JAZF1: variants seen among roughly 807,000 people sequenced by gnomAD.
JAZF1 encodes juxtaposed with another zinc finger protein 1.
In JAZF1, 8 loss-of-function variants were observed where a neutral mutation model predicts 26.4. That is an observed-to-expected ratio of 0.30 (90% CI 0.18 to 0.55). JAZF1 has a LOEUF of 0.55. Among genes scored for constraint, JAZF1 ranks in the 20% least tolerant of loss-of-function variants. The pLI, the probability that JAZF1 is intolerant of heterozygous loss-of-function variation, is 0.94. For missense variants in JAZF1, 199 were observed against 322.0 expected (o/e 0.62, Z 2.92); for synonymous variants, 126 against 122.3 (o/e 1.03, Z -0.20).
At chr7:28,022,884 G>A (rs1024468398) in intron 1 of JAZF1, among the ~76,000 whole-genome samples, 1 of 152,162 alleles carries the variant, frequency 6.6e-6, no homozygotes, top group African/African-American at 2.4e-5. Flanking sequence ...AGCCTCCCGA[G>A]TAGCTGGGAT....
chr7:28,121,965 G>T (rs1340677339), intron 1 of JAZF1, among the ~76,000 whole-genome samples: 2 of 152,160 alleles, frequency 1.3e-5, no homozygotes, highest in African/African-American at 2.4e-5. Flanking sequence ...TGGTGCCAAT[G>T]TTCACATAAA....
intron 1 of JAZF1, among the ~76,000 whole-genome samples, chr7:28,115,532 A>G (rs1187582714): frequency 6.6e-6 from 1 of 152,210 alleles, no homozygotes; most frequent in Non-Finnish European, 1.5e-5. Flanking sequence ...TGTAGTCAAC[A>G]GTACCAACAA....
rs566194702 is a variant in JAZF1 at position 27,983,031 on chromosome 7, T to C, written c.188+8878A>G. 9.2e-5 allele frequency among the ~76,000 whole-genome samples: 14 copies of C among 152,200 alleles called. No homozygotes were observed. In the East Asian group the frequency reaches 2.5e-3, roughly 27 times the overall value. ...AGCTGAAAATTCTAAAAATCAGAGC[T>C]CCTCTTCTCCTTCAAAGGAATGCAG... is the stretch of plus-strand genomic sequence containing the variant. On this transcript the variant is annotated intron_variant, in intron 2 of 4. Coordinates refer to ENST00000283928, the MANE Select transcript of JAZF1 (RefSeq NM_175061.4).
chr7:27,884,900 C>T (rs763779846), intron 3 of JAZF1, among the ~76,000 whole-genome samples: 2 of 152,120 alleles, frequency 1.3e-5, no homozygotes, highest in African/African-American at 4.8e-5. Flanking sequence ...AGCTCTGTGG[C>T]CCCGAGGAAC....
At chr7:28,104,228 CTCCACTT>C (rs1346678773) in intron 1 of JAZF1, among the ~76,000 whole-genome samples, 1 of 152,208 alleles carries the variant, frequency 6.6e-6, no homozygotes, top group African/African-American at 2.4e-5. Context: ...CACTCCCCCT[CTCCACTT>C]TCCTTATCTT....
intron 2 of JAZF1, among the ~76,000 whole-genome samples, chr7:27,956,611 A>G (rs930966412): frequency 2.0e-5 from 3 of 152,178 alleles, no homozygotes; most frequent in African/African-American, 7.2e-5. Flanking sequence ...TTCTCTTCAT[A>G]AAAGTGCCAG....
intron 1 of JAZF1, among the ~76,000 whole-genome samples, chr7:27,996,030 T>C (rs1786008509): frequency 6.6e-6 from 1 of 152,168 alleles, no homozygotes; most frequent in Admixed American, 6.5e-5. Flanking sequence ...CTTTGTTGTC[T>C]CCAGCACTGG....
intron 2 of JAZF1, among the ~76,000 whole-genome samples, chr7:27,944,479 A>G (rs1450441516): frequency 6.6e-6 from 1 of 152,210 alleles, no homozygotes; most frequent in Non-Finnish European, 1.5e-5. Context: ...CTGTGACTTT[A>G]GTGGTAGATT....
In JAZF1 at chr7:28,087,508, G is replaced by A. The variant is rs1784229526; in HGVS notation, c.115+92955C>T. The stretch of plus-strand genomic sequence containing the variant: ...AAAATAGGATTTAAAAAAAAATAGA[G>A]TAGTGCAGCATTAATTCAGAAAATA... On this transcript the variant is annotated intron_variant, in intron 1 of 4. Transcript: ENST00000283928. Among the ~76,000 whole-genome samples the A allele has an allele frequency of 3.3e-5, 5 of 152,028 alleles. No homozygotes were observed. In the South Asian group the frequency reaches 8.3e-4, roughly 25 times the overall value.
intron 1 of JAZF1, among the ~76,000 whole-genome samples, chr7:28,052,121 C>T (rs1342996658): frequency 1.3e-5 from 2 of 152,192 alleles, no homozygotes; most frequent in East Asian, 3.8e-4. Flanking sequence ...TTTCTGTTTT[C>T]TGTCATTTTT....
chr7:27,859,259 C>T (rs1487118515), intron 3 of JAZF1, among the ~76,000 whole-genome samples: 3 of 152,212 alleles, frequency 2.0e-5, no homozygotes, highest in Admixed American at 1.3e-4. Flanking sequence ...AACAGGAAGG[C>T]TTTTACACTG....
chr7:28,008,465 T>C (rs968002287), intron 1 of JAZF1, among the ~76,000 whole-genome samples: 12 of 152,174 alleles, frequency 7.9e-5, no homozygotes, highest in African/African-American at 2.2e-4. Flanking sequence ...TACATTTTAA[T>C]TGAGCAATTC....
chr7:27,835,718 A>T (rs1387752101), intron 4 of JAZF1, among the ~76,000 whole-genome samples: 1 of 152,206 alleles, frequency 6.6e-6, no homozygotes, highest in East Asian at 1.9e-4. Context: ...ATTCAGTTAC[A>T]GGCCGCGGGA....
intron 1 of JAZF1, among the ~76,000 whole-genome samples, chr7:28,175,893 C>T (rs2127955893): frequency 6.6e-6 from 1 of 152,296 alleles, no homozygotes; most frequent in South Asian, 2.1e-4. Context: ...TATTGCACAG[C>T]TTATCTATTT....
At chr7:27,872,255 A>C (rs1400509716) in intron 3 of JAZF1, among the ~76,000 whole-genome samples, 1 of 152,256 alleles carries the variant, frequency 6.6e-6, no homozygotes, top group Non-Finnish European at 1.5e-5. Flanking sequence ...ATAAAGAAAA[A>C]AACAAGCTAT....
chr7:27,890,935 G>A (rs1183137646), intron 3 of JAZF1, among the ~76,000 whole-genome samples: 3 of 151,952 alleles, frequency 2.0e-5, no homozygotes, highest in Admixed American at 6.6e-5. Context: ...GATTACAGGC[G>A]TGAGCCACCA....
intron 1 of JAZF1, among the ~76,000 whole-genome samples, chr7:28,171,477 G>A (rs1394741646): frequency 6.6e-6 from 1 of 152,206 alleles, no homozygotes; most frequent in Non-Finnish European, 1.5e-5. Flanking sequence ...TGGGGACGAG[G>A]ATAGGATGAT....
At position 27,859,009 on chromosome 7, in the gene JAZF1, C is replaced by T. The variant is rs147014027; in HGVS notation, c.386-18142G>A. Among the ~76,000 whole-genome samples the T allele has an allele frequency of 8.0e-3, 1,213 of 151,968 alleles. 23 individuals are homozygous for T. Among genetic ancestry groups the T allele is most frequent in the African/African-American group, 0.028 (1,172 of 41,464 alleles). On this transcript the variant is annotated intron_variant, in intron 3 of 4. Transcript: ENST00000283928. ...ACAAAGGGCTAATATCCAGAATCTG[C>T]AAAGAACTTAAATTTACAAGAAAAA...
intron 1 of JAZF1, among the ~76,000 whole-genome samples, chr7:28,050,156 G>T (rs1783587699): frequency 6.6e-6 from 1 of 152,054 alleles, no homozygotes; most frequent in East Asian, 1.9e-4. Context: ...TGGGGTCAAA[G>T]ACCAAATATT....
Sources: allele counts gnomAD v4.1 joint callset (sites outside exome capture counted in the v4.1 genomes callset), GRCh38; gene constraint gnomAD v4.1.1; transcripts MANE v1.5; gene names NCBI Gene and HGNC (gene_info 2026-07-23, HGNC 2026-07-21).